PTPN2: variants seen among roughly 807,000 people sequenced by gnomAD.
PTPN2 encodes protein tyrosine phosphatase non-receptor type 2.
PTPN2 carries 19 observed loss-of-function variants against 57.3 expected under a neutral mutation model. That is an observed-to-expected ratio of 0.33 (90% CI 0.23 to 0.49). The LOEUF is 0.49. PTPN2 is among the 20% of genes least tolerant of loss of function. The pLI, the probability that PTPN2 is intolerant of heterozygous loss-of-function variation, is 0.99. For synonymous variants in PTPN2, 153 were observed against 164.9 expected (o/e 0.93, Z 0.55); for missense variants, 358 against 501.1 (o/e 0.71, Z 2.73).
intron 8 of PTPN2, among the ~76,000 whole-genome samples, chr18:12,797,666 G>C (rs1568079558): frequency 6.6e-6 from 1 of 152,154 alleles, no homozygotes; most frequent in African/African-American, 2.4e-5. Context: ...GGGGCCTAAA[G>C]AAATTATGTC....
At chr18:12,789,862 G>A (rs1272359379), downstream of PTPN2, among the ~76,000 whole-genome samples, 1 of 147,656 alleles carries the variant, frequency 6.8e-6, no homozygotes, top group Non-Finnish European at 1.5e-5. Flanking sequence ...CTCTCTGTAT[G>A]TGTGTGTGTG....
At chr18:12,798,299 T>C (rs927390503) in intron 8 of PTPN2, among the ~76,000 whole-genome samples, 5 of 152,190 alleles carry the variant, frequency 3.3e-5, no homozygotes, top group Non-Finnish European at 7.3e-5. Context: ...AGCTTGAAAC[T>C]TGTGTCATCT....
intron 5 of PTPN2, among the ~76,000 whole-genome samples, chr18:12,823,551 T>C (rs1399192740): frequency 6.6e-6 from 1 of 152,146 alleles, no homozygotes; most frequent in Non-Finnish European, 1.5e-5. Flanking sequence ...GGTGCACACC[T>C]GTATTCCCAG....
Position 12,785,722 on chromosome 18 carries a change from T to C in PTPN2, c.*101A>G, listed in dbSNP as rs2040830113. The C allele has an allele frequency of 3.8e-6, 4 of 1,051,742 alleles. No individual in the cohort carries two copies. In the East Asian group the frequency reaches 9.6e-5, roughly 25 times the overall value. 65.2% of individuals were successfully genotyped at this position (1,051,742 alleles called of 1,614,324 possible). A position where few individuals can be genotyped will look rare whatever the true frequency, so the allele number is the denominator to read the frequency against. On this transcript the variant is annotated 3_prime_UTR_variant, in exon 10 of 10. Coordinates refer to the PTPN2 transcript ENST00000327283. ...AACAACTGTGAGGCAATCTAGAGGG[T>C]TAGCGAGCCTCACTTTAGTTTCCGG...
chr18:12,881,898 C>T (rs1448118506), intron 1 of PTPN2, among the ~76,000 whole-genome samples: 2 of 152,188 alleles, frequency 1.3e-5, no homozygotes, highest in Non-Finnish European at 2.9e-5. Context: ...TGTCTTTTAA[C>T]AAGAATCCTC....
intron 5 of PTPN2, chr18:12,821,518 T>C (rs2042267747): frequency 6.6e-6 from 1 of 152,220 alleles, no homozygotes; most frequent in Non-Finnish European, 1.5e-5. Flanking sequence ...CTCTCATCAA[T>C]TTTTGCCAGG....
chr18:12,878,566 A>C (rs1035298482), intron 1 of PTPN2, among the ~76,000 whole-genome samples: 1 of 151,786 alleles, frequency 6.6e-6, no homozygotes, highest in African/African-American at 2.4e-5. Context: ...GCTACTCGGG[A>C]GGCTGAGGCA....
chr18:12,807,586 A>AAAAAAAAAATATATAT, intron 7 of PTPN2, among the ~76,000 whole-genome samples: 1 of 35,192 alleles, frequency 2.8e-5, no homozygotes, highest in African/African-American at 7.0e-5. Flanking sequence ...AAAAAAAAAA[A>AAAAAAAAAATATATAT]ATATATATAT....
intron 5 of PTPN2, among the ~76,000 whole-genome samples, chr18:12,819,708 A>C (rs542345697): frequency 3.9e-5 from 6 of 152,264 alleles, no homozygotes; most frequent in African/African-American, 1.4e-4. Flanking sequence ...AAAACATTCT[A>C]AAATAAGAAG....
intron 2 of PTPN2, chr18:12,839,491 C>T (rs546039311): frequency 6.6e-6 from 1 of 152,284 alleles, no homozygotes; most frequent in East Asian, 1.9e-4. Flanking sequence ...CCAAAGCCCA[C>T]TATACTTTAC....
intron 1 of PTPN2, among the ~76,000 whole-genome samples, chr18:12,861,012 A>G (rs2043789441): frequency 6.6e-6 from 1 of 152,106 alleles, no homozygotes; most frequent in African/African-American, 2.4e-5. Flanking sequence ...CATTTTGTTT[A>G]TTTGTTTTTA....
chr18:12,785,562 AATTT>A (rs1766324732), exon 10 of PTPN2: 2 of 534,654 alleles, frequency 3.7e-6, no homozygotes, highest in South Asian at 2.3e-5. Context: ...AATCTCCCCT[AATTT>A]ATTTCTTGTA....
At chr18:12,819,351 A>G (rs2042192964) in intron 5 of PTPN2, 3 of 717,972 alleles carry the variant, frequency 4.2e-6, no homozygotes, top group Admixed American at 6.9e-5. Flanking sequence ...TAAGACATTT[A>G]TTTTTAAATT....
At chr18:12,810,174 C>T (rs150020137) in intron 7 of PTPN2, among the ~76,000 whole-genome samples, 86 of 152,100 alleles carry the variant, frequency 5.7e-4, no homozygotes, top group African/African-American at 1.7e-3. Context: ...AGATGAGACT[C>T]GGTGTCATGG....
intron 4 of PTPN2, among the ~76,000 whole-genome samples, chr18:12,829,070 G>T (rs1195760211): frequency 6.6e-6 from 1 of 152,054 alleles, no homozygotes; most frequent in Non-Finnish European, 1.5e-5. Flanking sequence ...GCTAATTTTT[G>T]TATTTTTTGT....
chr18:12,882,401 T>C (rs1415376970), intron 1 of PTPN2, among the ~76,000 whole-genome samples: 1 of 152,270 alleles, frequency 6.6e-6, no homozygotes, highest in Non-Finnish European at 1.5e-5. Flanking sequence ...TTCATTTTTC[T>C]GGAAAGAGGA....
chr18:12,825,853 T>C lies in PTPN2; in HGVS notation c.452A>G (p.Lys151Arg), dbSNP rs1160459981. ...TAGTAGATGTACTGTATAATACGAC[T>C]TCACATCTTCTGACAAGAGCTTCAC... is the stretch of plus-strand genomic sequence containing the variant. ...FSVKLLSEDV[K>R]SYYTVHLLQL... Residue 151 changes from lysine to arginine, a missense_variant, in exon 5 of 9, where the codon AAG (lysine) becomes AGG (arginine). Around this residue, in one of 4 missense-constraint regions of PTPN2, gnomAD observed 193 missense variants for 315.4 expected, o/e 0.61. Coordinates refer to ENST00000309660, the MANE Select transcript of PTPN2 (RefSeq NM_002828.4). The C allele has an allele frequency of 1.2e-6, 2 of 1,611,292 alleles. No individual in the cohort carries two copies. Among genetic ancestry groups the C allele is most frequent in the Non-Finnish European group, 1.7e-6 (2 of 1,179,198 alleles).
At chr18:12,870,417 ATATATATACGTATATATATATGTG>A (rs1425309139) in intron 1 of PTPN2, among the ~76,000 whole-genome samples, 1 of 59,936 alleles carries the variant, frequency 1.7e-5, no homozygotes, top group Non-Finnish European at 2.7e-5. Flanking sequence ...ATATATATGT[ATATATATACGTATATATATATGTG>A]TATATATATA....
intron 8 of PTPN2, among the ~76,000 whole-genome samples, chr18:12,796,888 G>A (rs984735427): frequency 1.3e-5 from 2 of 152,096 alleles, no homozygotes; most frequent in Non-Finnish European, 2.9e-5. Context: ...TGCTAACTTG[G>A]GTACTTGTTT....
Sources: allele counts gnomAD v4.1 joint callset (sites outside exome capture counted in the v4.1 genomes callset), GRCh38; gene constraint gnomAD v4.1.1; regional missense constraint gnomAD v4.1.1; transcripts MANE v1.5; gene names NCBI Gene and HGNC (gene_info 2026-07-23, HGNC 2026-07-21).